Variants in ERBB4 observed in about 807,000 individuals in gnomAD.
ERBB4 encodes receptor tyrosine-protein kinase erbB-4.
In ERBB4, 42 loss-of-function variants were observed where a neutral mutation model predicts 158.0. The ratio of observed to expected loss-of-function variants is 0.27; its 90% CI spans 0.21 to 0.34. The LOEUF (loss-of-function observed/expected upper bound fraction) is 0.34. Ranked by LOEUF, ERBB4 falls within the 10% of genes least tolerant of loss-of-function variation. The pLI is 1.00. For missense variants in ERBB4, 1,333 were observed against 1,624.1 expected (o/e 0.82, Z 3.08); for synonymous variants, 583 against 558.7 (o/e 1.04, Z -0.61).
intron 5 of ERBB4, among the ~76,000 whole-genome samples, chr2:211,742,921 T>C (rs996681628): frequency 2.0e-5 from 3 of 152,052 alleles, no homozygotes; most frequent in African/African-American, 7.2e-5. Flanking sequence ...CTATTACTTA[T>C]GATAGTCTAG....
At chr2:211,753,983 G>T (rs532334873) in intron 4 of ERBB4, among the ~76,000 whole-genome samples, 1 of 149,254 alleles carries the variant, frequency 6.7e-6, no homozygotes, top group African/African-American at 2.5e-5. Context: ...TCAGCCTCCC[G>T]AGTAGCTGGG....
At chr2:211,867,841 T>TA (rs1466804322) in intron 3 of ERBB4, among the ~76,000 whole-genome samples, 2 of 152,256 alleles carry the variant, frequency 1.3e-5, no homozygotes, top group Admixed American at 6.5e-5. Context: ...ATCATGTTTT[T>TA]ACAGCTGTTG....
At chr2:212,100,176 G>A (rs1296218348) in intron 2 of ERBB4, among the ~76,000 whole-genome samples, 4 of 152,140 alleles carry the variant, frequency 2.6e-5, no homozygotes, top group Admixed American at 6.5e-5. Context: ...TGACAGCATG[G>A]CTGTTTTCAG....
At chr2:212,091,643 G>T (rs2078780933) in intron 2 of ERBB4, among the ~76,000 whole-genome samples, 1 of 151,924 alleles carries the variant, frequency 6.6e-6, no homozygotes, top group Non-Finnish European at 1.5e-5. Context: ...CAAAAAATTG[G>T]CTAAAGTTCC....
chr2:212,003,246 AAGG>A (rs2076179217), intron 2 of ERBB4, among the ~76,000 whole-genome samples: 1 of 131,642 alleles, frequency 7.6e-6, no homozygotes, highest in Non-Finnish European at 1.7e-5. Flanking sequence ...GGAAGGAAGG[AAGG>A]AAGGAAGGAA....
rs6147150 is a variant in ERBB4 at position 211,380,365 on chromosome 2, C to CTGAAAATAGGAT, written c.*3249_*3250insATCCTATTTTCA. 140,098 of 231,668 alleles carry CTGAAAATAGGAT rather than the reference C, an allele frequency of 0.6. 43,440 individuals are homozygous for CTGAAAATAGGAT. The highest frequency in any genetic ancestry group is 0.76 in the South Asian group (4,189 of 5,478). 14.4% of individuals were successfully genotyped at this position (231,668 alleles called of 1,614,324 possible). On this transcript the variant is annotated 3_prime_UTR_variant, in exon 28 of 28. Coordinates refer to ENST00000342788, the MANE Select transcript of ERBB4 (RefSeq NM_005235.3). Reference sequence around the variant, plus strand: ...ATTTAACTGCAAAATTTTTCCATACCTGCCCAAAATAGGTATAATCTACAA... The same window carrying CTGAAAATAGGAT: ...ATTTAACTGCAAAATTTTTCCATACCTGAAAATAGGATTGCCCAAAATAGGTATAATCTACAA...
At chr2:211,392,557 TCCACACACAC>T (rs1404549007) in intron 25 of ERBB4, among the ~76,000 whole-genome samples, 1 of 101,276 alleles carries the variant, frequency 9.9e-6, no homozygotes, top group African/African-American at 3.9e-5. Flanking sequence ...ACTCTCTTAC[TCCACACACAC>T]ACACACACAC....
chr2:211,607,357 T>G (rs921792938), intron 19 of ERBB4, among the ~76,000 whole-genome samples: 1 of 152,210 alleles, frequency 6.6e-6, no homozygotes. Context: ...CTCAGTTCAA[T>G]GAGCTCAGGG....
intron 19 of ERBB4, among the ~76,000 whole-genome samples, chr2:211,591,328 T>C (rs2068456246): frequency 6.6e-6 from 1 of 152,182 alleles, no homozygotes; most frequent in Non-Finnish European, 1.5e-5. Context: ...GTTTAACACA[T>C]GAGGGTCTTA....
At chr2:212,073,363 G>A (rs1173925954) in intron 2 of ERBB4, among the ~76,000 whole-genome samples, 3 of 151,974 alleles carry the variant, frequency 2.0e-5, no homozygotes, top group Non-Finnish European at 4.4e-5. Context: ...AGCTAGAATG[G>A]AGGCAGAAAG....
At chr2:212,382,195 TATAA>T (rs201295910) in intron 1 of ERBB4, among the ~76,000 whole-genome samples, 12,731 of 149,788 alleles carry the variant, frequency 0.085, 679 homozygotes, top group Non-Finnish European at 0.12. Context: ...TATAAACACA[TATAA>T]ATATATATTA....
intron 1 of ERBB4, among the ~76,000 whole-genome samples, chr2:212,226,403 A>G (rs1021170106): frequency 2.6e-5 from 2 of 77,650 alleles, no homozygotes; most frequent in Non-Finnish European, 5.8e-5. Context: ...TTGACATAGT[A>G]AAGACATGGG....
chr2:211,947,653 G>A (rs764898127), intron 2 of ERBB4, 37 bp from the exon 3 acceptor site: 42 of 1,574,194 alleles, frequency 2.7e-5, no homozygotes, highest in Non-Finnish European at 3.3e-5. Flanking sequence ...GTTATAAAAC[G>A]AATTTGTCAC....
chr2:211,697,035 G>T (rs1051429565), intron 12 of ERBB4, among the ~76,000 whole-genome samples: 15 of 152,154 alleles, frequency 9.9e-5, no homozygotes, highest in African/African-American at 3.6e-4. Context: ...AGTCAGACAG[G>T]CATTGGGTTC....
chr2:212,165,412 T>A (rs79166860), intron 1 of ERBB4, among the ~76,000 whole-genome samples: 2 of 151,766 alleles, frequency 1.3e-5, no homozygotes, highest in Non-Finnish European at 2.9e-5. Flanking sequence ...CTGAGGGTAA[T>A]GAAAAAATCT....
At chr2:211,743,193 A>T (rs2074851431) in intron 5 of ERBB4, among the ~76,000 whole-genome samples, 3 of 152,208 alleles carry the variant, frequency 2.0e-5, no homozygotes, top group Non-Finnish European at 2.9e-5. Context: ...AAGAAACATC[A>T]CTTATAAAGC....
chr2:212,460,533 A>G (rs745864818), intron 1 of ERBB4, among the ~76,000 whole-genome samples: 16 of 152,274 alleles, frequency 1.1e-4, no homozygotes, highest in Non-Finnish European at 1.8e-4. Flanking sequence ...CTCTTGTTAT[A>G]TTTTAGCAAA....
intron 11 of ERBB4, among the ~76,000 whole-genome samples, chr2:211,702,666 T>C (rs1417539420): frequency 6.6e-6 from 1 of 152,088 alleles, no homozygotes; most frequent in African/African-American, 2.4e-5. Flanking sequence ...ACTGTAATAA[T>C]TGAGGAATGT....
intron 20 of ERBB4, among the ~76,000 whole-genome samples, chr2:211,438,965 CAG>C (rs1368518621): frequency 2.0e-5 from 3 of 150,376 alleles, no homozygotes; most frequent in Middle Eastern, 3.2e-3. Context: ...TTATTTTTCA[CAG>C]ATAGTCCCAA....
Sources: gnomAD v4.1 joint callset for allele counts (sites outside exome capture counted in the v4.1 genomes callset) on GRCh38, gnomAD v4.1.1 for gene constraint, MANE v1.5 for transcripts, NCBI Gene and HGNC (gene_info 2026-07-23, HGNC 2026-07-21) for gene names.